The following DYRK1B variants were observed in gnomAD, a reference collection of about 807,000 sequenced individuals.
The protein encoded by DYRK1B is dual specificity tyrosine phosphorylation regulated kinase 1B.
Under a neutral mutation model 57.1 loss-of-function variants are expected in DYRK1B, and 20 were observed. That is an observed-to-expected ratio of 0.35 (90% CI 0.25 to 0.51). DYRK1B has a LOEUF of 0.51. Ranked by LOEUF, DYRK1B falls within the 20% of genes least tolerant of loss-of-function variation. The probability of loss-of-function intolerance (pLI) is 0.96; values close to 1 mark genes in which losing one functional copy is unlikely to be tolerated. For synonymous variants in DYRK1B, 409 were observed against 384.7 expected (o/e 1.06, Z -0.74); for missense variants, 732 against 886.3 (o/e 0.83, Z 2.21).
At chr19:39,833,237 G>A (rs765790159) in intron 1 of DYRK1B, 12 of 985,776 alleles carry the variant, frequency 1.2e-5, no homozygotes, top group Non-Finnish European at 1.4e-5. Flanking sequence ...TCCCACACCA[G>A]GATCATCTCT....
At chr19:39,829,279 T>A (rs189478479) in intron 5 of DYRK1B, among the ~76,000 whole-genome samples, 2 of 150,996 alleles carry the variant, frequency 1.3e-5, no homozygotes, top group Admixed American at 1.3e-4. Context: ...CAGGCTGGAG[T>A]GCAGTGGCGT....
At chr19:39,829,171 T>C (rs1968686909) in intron 5 of DYRK1B, among the ~76,000 whole-genome samples, 1 of 151,806 alleles carries the variant, frequency 6.6e-6, no homozygotes, top group South Asian at 2.1e-4. Context: ...TTCTTCGTTT[T>C]TTTTTGTTGT....
At position 39,827,365 on chromosome 19, in the gene DYRK1B, G is replaced by C; in HGVS notation, c.1015C>G (p.Gln339Glu). ...LGIPPAAMLD[Q>E]APKARKYFER... ...AAGTACTTGCGAGCCTTGGGCGCCT[G>C]GTCCAGCATGGCGGCCGGTGGGATG... Residue 339 changes from glutamine to glutamate, a missense_variant, in exon 8 of 11, where the codon CAG becomes GAG. Transcript: ENST00000323039. 6.2e-7 allele frequency: 1 copy of C among 1,613,808 alleles called. No homozygotes were observed. Among genetic ancestry groups the C allele is most frequent in the Non-Finnish European group, 8.5e-7 (1 of 1,179,770 alleles).
rs1968648025 is a variant in DYRK1B, at chr19:39,828,526, A to G, written c.578T>C (p.Leu193Pro). The change falls in exon 6 of 11, where the codon CTG becomes CCG. Residue 193 changes from leucine (L) to proline (P), a missense_variant. Coordinates refer to ENST00000323039, the MANE Select transcript of DYRK1B (RefSeq NM_004714.3). This position sits in a 1 kb window ranked among gnomAD's most constrained non-coding sequence, Gnocchi z 4.3. ...RNHLCLVFEL[L>P]SYNLYDLLRN... Reference sequence around the variant, plus strand: ...CAGGAGGTCGTACAGGTTGTAGGACAGCAGCTCAAATACCAGGCACAGGTG... The same window carrying G: ...CAGGAGGTCGTACAGGTTGTAGGACGGCAGCTCAAATACCAGGCACAGGTG... 6.2e-7 allele frequency: 1 copy of G among 1,613,218 alleles called. No homozygotes were observed. The highest frequency in any genetic ancestry group is 1.3e-5 in the African/African-American group (1 of 74,918).
chr19:39,827,902 C>T (rs1205780468), intron 6 of DYRK1B, among the ~76,000 whole-genome samples: 1 of 152,156 alleles, frequency 6.6e-6, no homozygotes, highest in East Asian at 1.9e-4. Context: ...CTGGGCCCTT[C>T]TGGGTCACCA....
intron 5 of DYRK1B, chr19:39,829,585 A>C: frequency 3.6e-6 from 1 of 279,366 alleles, no homozygotes; most frequent in South Asian, 1.2e-4. Context: ...TCTTATCTTC[A>C]AGATGTTGTT....
chr19:39,829,802 C>A (rs1568532775), intron 5 of DYRK1B, 78 bp downstream of exon 5: 10 of 1,513,350 alleles, frequency 6.6e-6, no homozygotes, highest in South Asian at 1.2e-5. Context: ...GAGAGTAGGG[C>A]GGGGGTGTGA....
chr19:39,828,475 G>A lies in DYRK1B; in HGVS notation c.629C>T (p.Ser210Leu). ...LLRNTHFRGV[S>L]LNLTRKLAQQ... ...CGCCAGCTTCCGGGTCAGGTTCAGC[G>A]AGACGCCGCGGAAGTGGGTGTTGCG... The change falls in exon 6 of 11, where the codon TCG becomes TTG. Residue 210 changes from serine (S) to leucine (L), a missense_variant. Physicochemically the swap from Ser to Leu is moderately radical, Grantham distance 145. Around this residue, in one of 2 missense-constraint regions of DYRK1B, gnomAD observed 510 missense variants for 681.3 expected, o/e 0.75. Coordinates refer to ENST00000323039, the MANE Select transcript of DYRK1B (RefSeq NM_004714.3). The surrounding 1 kb of genome is among the most constrained non-coding windows in gnomAD (Gnocchi z 4.3). 6.2e-7 allele frequency: 1 copy of A among 1,613,706 alleles called. No homozygotes were observed. The highest frequency in any genetic ancestry group is 8.5e-7 in the Non-Finnish European group (1 of 1,179,846).
chr19:39,831,841 G>A lies in DYRK1B; in HGVS notation c.27C>T (p.Pro9=), dbSNP rs1272223595. 33 of 1,538,676 alleles carry A rather than the reference G, an allele frequency of 2.1e-5. No individual in the cohort carries two copies. Among genetic ancestry groups the A allele is most frequent in the Non-Finnish European group, 2.7e-5 (31 of 1,140,868 alleles). The change falls in exon 2 of 11, where the codon CCC becomes CCT. Residue 9 remains proline, a synonymous_variant. Coordinates refer to ENST00000323039, the MANE Select transcript of DYRK1B (RefSeq NM_004714.3). The stretch of plus-strand genomic sequence containing the variant: ...CCTGGGGCCCTGGGAAGCCAGAGAA[G>A]GGACCATGGCCCGGTGGGACGGCCA... MAVPPGHG[P]FSGFPGPQEH... is the part of the protein sequence containing the mutation.
Position 39,832,917 on chromosome 19 carries a change from C to T in DYRK1B, c.-101-949G>A, listed in dbSNP as rs570916476. 7.1e-6 allele frequency: 7 copies of T among 985,092 alleles called. No homozygotes were observed. In the South Asian group the frequency reaches 1.9e-4, roughly 26 times the overall value. 61.0% of individuals were successfully genotyped at this position (985,092 alleles called of 1,614,324 possible). A position where few individuals can be genotyped will look rare whatever the true frequency, so the allele number is the denominator to read the frequency against. On this transcript the variant is annotated intron_variant, in intron 1 of 10. Coordinates refer to ENST00000323039, the MANE Select transcript of DYRK1B (RefSeq NM_004714.3). ...AGTGATCATCCTTTTCTCCCCTACA[C>T]TGCTTCCTTGCCCCCCTACACACAC...
At chr19:39,831,033 C>T (rs913799041) in intron 2 of DYRK1B, among the ~76,000 whole-genome samples, 6 of 152,204 alleles carry the variant, frequency 3.9e-5, no homozygotes, top group Non-Finnish European at 8.8e-5. Context: ...TGAACTCTGA[C>T]CTTTCACCCC....
chr19:39,831,935 C>T lies in DYRK1B; in HGVS notation c.-68G>A. On this transcript the variant is annotated 5_prime_UTR_variant, in exon 2 of 11. The change abolishes an upstream ATG in the 5' untranslated region. Coordinates refer to ENST00000323039, the MANE Select transcript of DYRK1B (RefSeq NM_004714.3). ...AGCCCGGCCGGGGGGCGCCTTCTTG[C>T]ATCCTGCACCTCGGCTGCCACCGCC... The T allele has an allele frequency of 7.0e-7, 1 of 1,434,476 alleles. No individual in the cohort carries two copies. Among genetic ancestry groups the T allele is most frequent in the Non-Finnish European group, 9.1e-7 (1 of 1,093,434 alleles). The allele number at this position is 1,434,476 out of a possible 1,614,324, so 88.9% of individuals were successfully genotyped here.
exon 1 of DYRK1B, chr19:39,834,159 CAACA>C (rs1176815635): frequency 2.6e-5 from 7 of 267,030 alleles, no homozygotes; most frequent in Admixed American, 1.0e-4. Context: ...ATGGCGACCA[CAACA>C]AACCGGCCCC....
In DYRK1B at chr19:39,828,256, C is replaced by G. The variant is rs745689275; in HGVS notation, c.807+41G>C. ...AGCCTCCCGTTGGCTCTGCCCCACC[C>G]AAACTACTAGCCGTGCTCCCAGGAC... On this transcript the variant is annotated intron_variant, in intron 6 of 10. Transcript: ENST00000323039. This position sits in a 1 kb window ranked among gnomAD's most constrained non-coding sequence, Gnocchi z 4.3. The G allele has an allele frequency of 6.2e-7, 1 of 1,601,598 alleles. No homozygotes were observed. Among genetic ancestry groups the G allele is most frequent in the South Asian group, 1.1e-5 (1 of 89,310 alleles).
rs138554578 is a variant in DYRK1B at position 39,830,954 on chromosome 19, A to G, written c.64-171T>C. Among the ~76,000 whole-genome samples, 231 of 152,324 alleles carry G rather than the reference A, an allele frequency of 1.5e-3. 1 individual carries two copies. The highest frequency in any genetic ancestry group is 5.2e-3 in the African/African-American group (217 of 41,574). On this transcript the variant is annotated intron_variant, in intron 2 of 10. Transcript: ENST00000323039. ...GCTGAGACTTTCTCTTGTTCTTACTATACCTCCAGTGCCTACAGCAGGGCC... is the reference window on the plus strand; with the variant it reads ...GCTGAGACTTTCTCTTGTTCTTACTGTACCTCCAGTGCCTACAGCAGGGCC...
In DYRK1B at chr19:39,825,624, T is replaced by C; in HGVS notation, c.*91A>G. ...CCCACCCCAGCTGGGTAGCAGCAAT[T>C]CCAGTCAAGGAGAGAGATGAGGATG... On this transcript the variant is annotated 3_prime_UTR_variant, in exon 11 of 11. Coordinates refer to ENST00000323039, the MANE Select transcript of DYRK1B (RefSeq NM_004714.3). The C allele has an allele frequency of 4.4e-6, 6 of 1,368,656 alleles. No individual in the cohort carries two copies. The South Asian group carries it at 6.4e-5, about 15-fold the overall frequency. 84.8% of individuals were successfully genotyped at this position (1,368,656 alleles called of 1,614,324 possible).
Position 39,826,084 on chromosome 19 carries a change from G to A in DYRK1B, c.1521C>T (p.Val507=), listed in dbSNP as rs367812081. ...AGGGCCGCAGCGGCTGGGAGGGTGG[G>A]ACCTAAAAAAGCAAAGGAGCCATGG... The part of the protein sequence containing the change: ...ITDCEMNSPQ[V]PPSQPLRPWA... The change falls in exon 11 of 11, where the codon GTC becomes GTT. Residue 507 remains valine (V), a splice_region_variant and synonymous_variant. Transcript: ENST00000323039. The surrounding 1 kb of genome is among the most constrained non-coding windows in gnomAD (Gnocchi z 6.3). 970 of 1,525,112 alleles carry A rather than the reference G, an allele frequency of 6.4e-4. 1 individual carries two copies. The highest frequency in any genetic ancestry group is 7.2e-4 in the Non-Finnish European group (826 of 1,140,170). 94.5% of individuals were successfully genotyped at this position (1,525,112 alleles called of 1,614,324 possible).
At chr19:39,833,904 C>T (rs1197188107) in intron 1 of DYRK1B, 119 bp downstream of exon 1, 5 of 152,350 alleles carry the variant, frequency 3.3e-5, no homozygotes, top group African/African-American at 1.2e-4. Flanking sequence ...CTGCCTGCCA[C>T]CCCCCTCCTC....
At chr19:39,827,179 G>C in intron 8 of DYRK1B, 106 bp downstream of exon 8, 1 of 1,417,578 alleles carries the variant, frequency 7.1e-7, no homozygotes, top group Non-Finnish European at 9.5e-7. Context: ...ACAAGGGGGA[G>C]TGGAAGGAAG....
Sources: gnomAD v4.1 joint callset for allele counts (sites outside exome capture counted in the v4.1 genomes callset) on GRCh38, gnomAD v4.1.1 for gene constraint, gnomAD v4.1.1 regional missense constraint, Gnocchi (gnomAD v3.1) non-coding constraint, MANE v1.5 for transcripts, NCBI Gene and HGNC (gene_info 2026-07-23, HGNC 2026-07-21) for gene names.